SPTLC3: variants seen among roughly 807,000 people sequenced by gnomAD.
The protein encoded by SPTLC3 is serine palmitoyltransferase long chain base subunit 3, also known as serine palmitoyltransferase 3.
Under a neutral mutation model 59.3 loss-of-function variants are expected in SPTLC3, and 36 were observed. That is an observed-to-expected ratio of 0.61 (90% CI 0.47 to 0.80). The LOEUF (loss-of-function observed/expected upper bound fraction) is 0.80. Among genes scored for constraint, SPTLC3 ranks in the 30% least tolerant of loss-of-function variants. The probability of loss-of-function intolerance (pLI) is 0.00; values close to 1 mark genes in which losing one functional copy is unlikely to be tolerated. For missense variants in SPTLC3, 625 were observed against 685.1 expected (o/e 0.91, Z 0.98); for synonymous variants, 257 against 240.8 (o/e 1.07, Z -0.62).
chr20:13,042,676 G>C (rs1366093622), intron 1 of SPTLC3, among the ~76,000 whole-genome samples: 2 of 152,146 alleles, frequency 1.3e-5, no homozygotes, highest in African/African-American at 4.8e-5. Context: ...TGAAGCAGGG[G>C]ACAGGAAGCC....
intron 2 of SPTLC3, among the ~76,000 whole-genome samples, chr20:13,066,996 T>C (rs1988237977): frequency 7.8e-6 from 1 of 128,654 alleles, no homozygotes; most frequent in Non-Finnish European, 1.7e-5. Flanking sequence ...GTTTATCCTT[T>C]AAATGGGTGC....
chr20:13,082,417 G>A (rs888500433), intron 4 of SPTLC3, among the ~76,000 whole-genome samples: 2 of 152,122 alleles, frequency 1.3e-5, no homozygotes, highest in African/African-American at 2.4e-5. Context: ...AACCAATACA[G>A]CTGCCCCCTG....
intron 1 of SPTLC3, among the ~76,000 whole-genome samples, chr20:13,012,172 A>C (rs1985288252): frequency 6.6e-6 from 1 of 152,190 alleles, no homozygotes. Flanking sequence ...GTAGTTTCTT[A>C]AGAGGATAGA....
intron 9 of SPTLC3, 102 bp downstream of exon 9, chr20:13,126,819 C>A (rs2038005172): frequency 2.8e-6 from 4 of 1,419,762 alleles, no homozygotes; most frequent in African/African-American, 1.4e-5. Context: ...CTTATAGAAC[C>A]CTATTTGTAA....
At chr20:13,011,399 A>G (rs1368987439) in intron 1 of SPTLC3, among the ~76,000 whole-genome samples, 2 of 152,152 alleles carry the variant, frequency 1.3e-5, no homozygotes, top group African/African-American at 4.8e-5. Flanking sequence ...GCAGCATCTA[A>G]GATCCTACCA....
chr20:13,133,707 G>A (rs2038179044), intron 9 of SPTLC3, among the ~76,000 whole-genome samples: 2 of 152,134 alleles, frequency 1.3e-5, no homozygotes, highest in Non-Finnish European at 2.9e-5. Context: ...CACCAGAGCT[G>A]AGAGGCCAAA....
chr20:13,009,078 C>A lies in SPTLC3; in HGVS notation c.-190C>A, dbSNP rs1985084928. The A allele has an allele frequency of 1.7e-6, 1 of 585,322 alleles. No individual in the cohort carries two copies. Among genetic ancestry groups the A allele is most frequent in the South Asian group, 2.1e-5 (1 of 48,610 alleles). 36.3% of individuals were successfully genotyped at this position (585,322 alleles called of 1,614,324 possible). A position where few individuals can be genotyped will look rare whatever the true frequency, so the allele number is the denominator to read the frequency against. On this transcript the variant is annotated 5_prime_UTR_variant, in exon 1 of 12. Transcript: ENST00000399002. ...GGGAGTTGAGAAGTATAAAGGTAAC[C>A]ATTTGTTTTAGTTTCAACGATCTGA...
intron 1 of SPTLC3, among the ~76,000 whole-genome samples, chr20:13,025,408 C>T (rs957412809): frequency 6.6e-6 from 1 of 152,158 alleles, no homozygotes; most frequent in Non-Finnish European, 1.5e-5. Flanking sequence ...GACTTTCACA[C>T]TTCCTGAGCT....
intron 7 of SPTLC3, among the ~76,000 whole-genome samples, chr20:13,113,703 T>C (rs1990371509): frequency 6.6e-6 from 1 of 152,160 alleles, no homozygotes; most frequent in Non-Finnish European, 1.5e-5. Context: ...TTCAATGAGG[T>C]CATATAAGCT....
At chr20:13,089,334 G>A (rs556955187) in intron 4 of SPTLC3, among the ~76,000 whole-genome samples, 5 of 152,224 alleles carry the variant, frequency 3.3e-5, no homozygotes, top group African/African-American at 1.2e-4. Context: ...CATTCAGAAA[G>A]CACTGCTCAA....
chr20:13,119,649 C>T lies in SPTLC3; in HGVS notation c.1152+1924C>T, dbSNP rs150685724. On this transcript the variant is annotated intron_variant, in intron 8 of 11. Transcript: ENST00000399002. The stretch of plus-strand genomic sequence containing the variant: ...TCCCTCCTTTTTCCTCCCCACCTTT[C>T]TCTGTCTTCTCTTCCCTTCATGTTA... Among the ~76,000 whole-genome samples, 371 of 152,214 alleles carry T rather than the reference C, an allele frequency of 2.4e-3. 1 individual carries two copies. Among genetic ancestry groups the T allele is most frequent in the Admixed American group, 4.0e-3 (61 of 15,292 alleles).
At chr20:13,035,090 G>A (rs1986675386) in intron 1 of SPTLC3, among the ~76,000 whole-genome samples, 1 of 151,980 alleles carries the variant, frequency 6.6e-6, no homozygotes, top group South Asian at 2.1e-4. Context: ...TTAGCTTCAT[G>A]TTCCTCCCAG....
chr20:13,148,282 G>A (rs2038562236), intron 9 of SPTLC3, among the ~76,000 whole-genome samples: 1 of 152,158 alleles, frequency 6.6e-6, no homozygotes, highest in Non-Finnish European at 1.5e-5. Context: ...AGCATTGGAG[G>A]GGAGGTTAAA....
intron 1 of SPTLC3, among the ~76,000 whole-genome samples, chr20:13,009,763 A>G (rs1047213127): frequency 6.6e-6 from 1 of 152,152 alleles, no homozygotes; most frequent in Non-Finnish European, 1.5e-5. Flanking sequence ...GAAAAAGAGG[A>G]AGTGAAAGTA....
At chr20:13,029,394 C>T (rs1231117376) in intron 1 of SPTLC3, among the ~76,000 whole-genome samples, 1 of 152,176 alleles carries the variant, frequency 6.6e-6, no homozygotes, top group East Asian at 1.9e-4. Flanking sequence ...CTATTCACTT[C>T]TTTCGGCTCA....
intron 6 of SPTLC3, among the ~76,000 whole-genome samples, chr20:13,099,106 A>G (rs1989518862): frequency 6.6e-6 from 1 of 152,222 alleles, no homozygotes; most frequent in South Asian, 2.1e-4. Flanking sequence ...TCAGGCCGCA[A>G]AACAGCTAAC....
chr20:13,132,006 G>A (rs1394601502), intron 9 of SPTLC3, among the ~76,000 whole-genome samples: 1 of 151,864 alleles, frequency 6.6e-6, no homozygotes, highest in African/African-American at 2.4e-5. Flanking sequence ...CCACAGAAGG[G>A]TCTTTGCACT....
rs891097958 is a variant in SPTLC3, at chr20:13,139,468, C to G, written c.1279+12751C>G. Among the ~76,000 whole-genome samples, 5 of 152,324 alleles carry G rather than the reference C, an allele frequency of 3.3e-5. No individual in the cohort carries two copies. In the East Asian group the frequency reaches 9.6e-4, roughly 29 times the overall value. On this transcript the variant is annotated intron_variant, in intron 9 of 11. Transcript: ENST00000399002. ...CAGTTCTCTTCCAAGAACCCAGCCT[C>G]CTTCCATTTTGTAGCTCCTCCAGCT...
intron 5 of SPTLC3, among the ~76,000 whole-genome samples, chr20:13,091,889 A>C (rs1989234615): frequency 6.6e-6 from 1 of 152,224 alleles, no homozygotes; most frequent in Admixed American, 6.5e-5. Context: ...TAAACCAATT[A>C]TTGAGAACCT....
Sources: allele counts gnomAD v4.1 joint callset (sites outside exome capture counted in the v4.1 genomes callset), GRCh38; gene constraint gnomAD v4.1.1; transcripts MANE v1.5; gene names NCBI Gene and HGNC (gene_info 2026-07-23, HGNC 2026-07-21).